The following SENP6 variants were observed in gnomAD, a reference collection of about 807,000 sequenced individuals.
The protein encoded by SENP6 is SUMO specific peptidase 6, also known as sentrin-specific protease 6.
A neutral mutation model predicts 134.5 loss-of-function variants in SENP6; 41 were observed. That is an observed-to-expected ratio of 0.30 (90% confidence interval 0.24 to 0.40). The LOEUF (loss-of-function observed/expected upper bound fraction) is 0.40. Among genes scored for constraint, SENP6 ranks in the 10% least tolerant of loss-of-function variants. The pLI is 1.00. For missense variants in SENP6, 1,248 were observed against 1,312.5 expected (o/e 0.95, Z 0.76); for synonymous variants, 395 against 429.8 (o/e 0.92, Z 1.00).
At chr6:75,651,582 G>T (rs1235440957) in intron 7 of SENP6, among the ~76,000 whole-genome samples, 1 of 152,072 alleles carries the variant, frequency 6.6e-6, no homozygotes, top group African/African-American at 2.4e-5. Context: ...AGGCTTCTGG[G>T]CTCCAGCGAT....
At chr6:75,651,900 C>T (rs1770897703) in intron 7 of SENP6, among the ~76,000 whole-genome samples, 1 of 152,160 alleles carries the variant, frequency 6.6e-6, no homozygotes, top group East Asian at 1.9e-4. Flanking sequence ...AATGCACCAG[C>T]TATGGTAGTT....
chr6:75,625,256 C>A (rs1768592893), intron 3 of SENP6, among the ~76,000 whole-genome samples: 3 of 151,634 alleles, frequency 2.0e-5, no homozygotes, highest in African/African-American at 7.3e-5. Flanking sequence ...GGATTACAGG[C>A]ATACACCACC....
intron 16 of SENP6, among the ~76,000 whole-genome samples, chr6:75,686,016 T>C (rs1404865852): frequency 6.6e-6 from 1 of 152,166 alleles, no homozygotes; most frequent in Non-Finnish European, 1.5e-5. Flanking sequence ...CCCATTATTA[T>C]TGTGTGGGAG....
chr6:75,628,750 C>T (rs1768887627), intron 3 of SENP6, among the ~76,000 whole-genome samples: 1 of 152,160 alleles, frequency 6.6e-6, no homozygotes, highest in Non-Finnish European at 1.5e-5. Context: ...GACAGAATCT[C>T]ACTCTGTCTA....
intron 16 of SENP6, among the ~76,000 whole-genome samples, chr6:75,692,988 T>G (rs1049522349): frequency 2.4e-4 from 37 of 152,224 alleles, no homozygotes; most frequent in Non-Finnish European, 3.4e-4. Context: ...AGAGGATGGC[T>G]TCAGCCCAGG....
chr6:75,666,267 A>AATATATATT (rs1170929784), intron 9 of SENP6, among the ~76,000 whole-genome samples: 1 of 147,324 alleles, frequency 6.8e-6, no homozygotes, highest in Non-Finnish European at 1.5e-5. Flanking sequence ...ATATATATAA[A>AATATATATT]ATATATATTA....
At chr6:75,639,680 G>A (rs1486092049) in intron 5 of SENP6, among the ~76,000 whole-genome samples, 1 of 152,088 alleles carries the variant, frequency 6.6e-6, no homozygotes, top group Admixed American at 6.6e-5. Context: ...GCTTTTTGGA[G>A]TTTTCATGAA....
At chr6:75,712,729 A>C (rs1037632232) in intron 21 of SENP6, among the ~76,000 whole-genome samples, 1 of 152,060 alleles carries the variant, frequency 6.6e-6, no homozygotes, top group African/African-American at 2.4e-5. Context: ...TCTGAAGTGG[A>C]ATCTTGAAAA....
intron 16 of SENP6, chr6:75,679,171 T>A: frequency 3.1e-6 from 1 of 321,046 alleles, no homozygotes; most frequent in Non-Finnish European, 5.7e-6. Flanking sequence ...CCTGACACTT[T>A]GGGAGGTCAA....
At position 75,663,216 on chromosome 6, in the gene SENP6, C is replaced by T. The variant is rs183171591; in HGVS notation, c.697-5C>T. 9.5e-4 allele frequency: 1,523 copies of T among 1,603,828 alleles called. 1 individual carries two copies. Among genetic ancestry groups the T allele is most frequent in the Non-Finnish European group, 1.1e-3 (1,331 of 1,177,542 alleles). On this transcript the variant is annotated splice_polypyrimidine_tract_variant and splice_region_variant and intron_variant, in intron 8 of 23. Transcript: ENST00000447266. ...TGCCAAAGTTGTGGTGTTCTTTTTTCTAAGGATTTGCAAAGAAATTGCAGA... is the reference window on the plus strand; with the variant it reads ...TGCCAAAGTTGTGGTGTTCTTTTTTTTAAGGATTTGCAAAGAAATTGCAGA...
chr6:75,605,142 A>C (rs902199175), intron 1 of SENP6, among the ~76,000 whole-genome samples: 4 of 152,200 alleles, frequency 2.6e-5, no homozygotes, highest in African/African-American at 9.7e-5. Context: ...AGTGTTCAAA[A>C]TATTTCCCCA....
intron 18 of SENP6, among the ~76,000 whole-genome samples, chr6:75,698,979 C>T (rs1422059159): frequency 1.3e-5 from 2 of 150,598 alleles, no homozygotes; most frequent in Non-Finnish European, 3.0e-5. Context: ...CCCCTGCACT[C>T]CAGCCTGGGC....
chr6:75,638,618 ATATATTTT>A (rs1414982121), intron 5 of SENP6, among the ~76,000 whole-genome samples: 48 of 34,444 alleles, frequency 1.4e-3, no homozygotes, highest in African/African-American at 5.8e-3. Flanking sequence ...ATATATATAT[ATATATTTT>A]TTTTTTTTTT....
At chr6:75,702,025 T>C (rs753836195) in intron 18 of SENP6, among the ~76,000 whole-genome samples, 31 of 151,238 alleles carry the variant, frequency 2.0e-4, no homozygotes, top group Non-Finnish European at 3.2e-4. Context: ...AAAGTGACAT[T>C]ACTTGCCAGA....
At position 75,634,616 on chromosome 6, in the gene SENP6, G is replaced by A. The variant is rs553344063; in HGVS notation, c.354-91G>A. 7.8e-6 allele frequency: 5 copies of A among 638,304 alleles called. No homozygotes were observed. The African/African-American group carries it at 9.6e-5, about 12-fold the overall frequency. 39.5% of individuals were successfully genotyped at this position (638,304 alleles called of 1,614,324 possible). A position where few individuals can be genotyped will look rare whatever the true frequency, so the allele number is the denominator to read the frequency against. ...TTTGTTGTTGTTGGTAAAGGTTTTT[G>A]TGTGTTTGTTCAGATTTTAAAAGAT... On this transcript the variant is annotated intron_variant, in intron 4 of 23. Coordinates refer to ENST00000447266, the MANE Select transcript of SENP6 (RefSeq NM_015571.4).
At chr6:75,620,344 A>G (rs1032761413) in intron 1 of SENP6, among the ~76,000 whole-genome samples, 2 of 152,150 alleles carry the variant, frequency 1.3e-5, no homozygotes, top group African/African-American at 4.8e-5. Flanking sequence ...CCATAGACTG[A>G]GTGGCCTTTA....
In SENP6 at chr6:75,677,093, T is replaced by G. The variant is rs775394355; in HGVS notation, c.1685T>G (p.Val562Gly). 2.8e-5 allele frequency: 45 copies of G among 1,606,644 alleles called. No individual in the cohort carries two copies. The highest frequency in any genetic ancestry group is 3.3e-5 in the Non-Finnish European group (39 of 1,174,192). ...GGCCTTGATCCTCCGGCAAATATGG[T>G]ATTTGAAAGTATCATTAATGAAATT... Reference protein sequence around the residue: ...QNGLDPPANMVFESIINEIGI... With the variant: ...QNGLDPPANMGFESIINEIGI... Residue 562 changes from valine (V) to glycine (G), a missense_variant, in exon 14 of 24, where the codon GTA (valine) becomes GGA (glycine). This residue lies in a region of SENP6 where 733 missense variants were observed against 725.4 expected (regional missense o/e 1.01). Transcript: ENST00000447266.
chr6:75,671,451 C>T lies in SENP6; in HGVS notation c.1392+731C>T, dbSNP rs187590179. 2.6e-5 allele frequency among the ~76,000 whole-genome samples: 4 copies of T among 152,296 alleles called. No individual in the cohort carries two copies. The East Asian group carries it at 7.7e-4, about 29-fold the overall frequency. On this transcript the variant is annotated intron_variant, in intron 11 of 23. Coordinates refer to ENST00000447266, the MANE Select transcript of SENP6 (RefSeq NM_015571.4). Reference sequence around the variant, plus strand: ...CTTTAAGAGAACTTATTGCCGGGCGCGGTGTCTCACGCCTGTAATCCCAGC... The same window carrying T: ...CTTTAAGAGAACTTATTGCCGGGCGTGGTGTCTCACGCCTGTAATCCCAGC...
chr6:75,691,243 A>G (rs1056965356), intron 16 of SENP6, among the ~76,000 whole-genome samples: 1 of 150,594 alleles, frequency 6.6e-6, no homozygotes, highest in Non-Finnish European at 1.5e-5. Flanking sequence ...CCCTGGCTCA[A>G]GTGATCCTCC....
Sources: gnomAD v4.1 joint callset for allele counts (sites outside exome capture counted in the v4.1 genomes callset) on GRCh38, gnomAD v4.1.1 for gene constraint, gnomAD v4.1.1 regional missense constraint, MANE v1.5 for transcripts, NCBI Gene and HGNC (gene_info 2026-07-23, HGNC 2026-07-21) for gene names.